Variants in RIMS2 observed in about 807,000 individuals in gnomAD.
RIMS2 encodes regulating synaptic membrane exocytosis 2.
RIMS2 carries 59 observed loss-of-function variants against 174.4 expected under a neutral mutation model. The ratio of observed to expected loss-of-function variants is 0.34; its 90% CI spans 0.27 to 0.42. RIMS2 has a LOEUF of 0.42. RIMS2 is among the 10% of genes least tolerant of loss of function. The probability of loss-of-function intolerance (pLI) is 1.00; values close to 1 mark genes in which losing one functional copy is unlikely to be tolerated. For missense variants in RIMS2, 1,620 were observed against 1,666.3 expected (o/e 0.97, Z 0.48); for synonymous variants, 606 against 572.5 (o/e 1.06, Z -0.84).
chr8:103,697,012 C>G (rs1018744065), intron 1 of RIMS2, 74 bp from the exon 4 acceptor site: 2 of 851,216 alleles, frequency 2.3e-6, no homozygotes, highest in Non-Finnish European at 3.9e-6. Flanking sequence ...AAAACTGTGT[C>G]TATAAATTGT....
intron 19 of RIMS2, among the ~76,000 whole-genome samples, chr8:104,168,745 T>G (rs763151038): frequency 1.3e-5 from 2 of 152,156 alleles, no homozygotes; most frequent in Non-Finnish European, 2.9e-5. Context: ...GGGAATGCTT[T>G]CAACTTTTCC....
chr8:103,967,562 G>A (rs2092238377), intron 15 of RIMS2, among the ~76,000 whole-genome samples: 1 of 151,512 alleles, frequency 6.6e-6, no homozygotes, highest in East Asian at 2.0e-4. Context: ...GTGCAATCTT[G>A]GCTCACTGCA....
intron 1 of RIMS2, among the ~76,000 whole-genome samples, chr8:103,642,374 T>C (rs1427193419): frequency 6.6e-6 from 1 of 152,160 alleles, no homozygotes; most frequent in Non-Finnish European, 1.5e-5. Flanking sequence ...ATAACATCAC[T>C]GTAATTTATT....
chr8:104,070,240 C>CT (rs1003269065), intron 19 of RIMS2, among the ~76,000 whole-genome samples: 7 of 152,300 alleles, frequency 4.6e-5, no homozygotes, highest in African/African-American at 1.4e-4. Flanking sequence ...CTACCAGTCT[C>CT]TTCCCCAGAT....
At chr8:104,038,155 T>A (rs1002501078) in intron 19 of RIMS2, among the ~76,000 whole-genome samples, 2 of 152,008 alleles carry the variant, frequency 1.3e-5, no homozygotes, top group African/African-American at 4.8e-5. Flanking sequence ...TATCTTAAAT[T>A]TCAAAATATT....
intron 3 of RIMS2, among the ~76,000 whole-genome samples, chr8:103,885,016 A>T (rs918969728): frequency 2.0e-5 from 3 of 151,918 alleles, no homozygotes; most frequent in Admixed American, 6.6e-5. Flanking sequence ...GGAAATTAGA[A>T]TAAATGCTAG....
At position 103,559,056 on chromosome 8, in the gene RIMS2, C is replaced by CTTT. The variant is rs397952535; in HGVS notation, c.176+58004_176+58006dup. On this transcript the variant is annotated intron_variant, in intron 1 of 23. Transcript: ENST00000504942. ...TGGTGGCCTTTCAGATATTTTTTAA[C>CTTT]TTTTTTTTTTTTGCTCTCTGATCAT... The CTTT allele has an allele frequency of 3.6e-4, 36 of 99,078 alleles. 4 individuals are homozygous for CTTT. Among genetic ancestry groups the CTTT allele is most frequent in the East Asian group, 7.2e-4 (2 of 2,790 alleles). 6.1% of individuals were successfully genotyped at this position (99,078 alleles called of 1,614,324 possible). A position where few individuals can be genotyped will look rare whatever the true frequency, so the allele number is the denominator to read the frequency against.
intron 1 of RIMS2, among the ~76,000 whole-genome samples, chr8:103,661,348 CATT>C (rs2096597925): frequency 6.6e-6 from 1 of 152,056 alleles, no homozygotes. Context: ...ATTCTGATGT[CATT>C]ATTTTTTTTC....
At chr8:104,222,284 A>T (rs760577156) in intron 19 of RIMS2, among the ~76,000 whole-genome samples, 30 of 152,138 alleles carry the variant, frequency 2.0e-4, no homozygotes, top group Non-Finnish European at 3.8e-4. Flanking sequence ...ATAAACATCT[A>T]CCATGGTACC....
chr8:104,099,635 T>C (rs2097833080), intron 19 of RIMS2, among the ~76,000 whole-genome samples: 3 of 152,144 alleles, frequency 2.0e-5, no homozygotes, highest in African/African-American at 7.2e-5. Flanking sequence ...GTTCAGCTTG[T>C]CAATTCAGGG....
At chr8:104,233,298 T>A (rs2099241368) in intron 19 of RIMS2, among the ~76,000 whole-genome samples, 1 of 152,134 alleles carries the variant, frequency 6.6e-6, no homozygotes, top group South Asian at 2.1e-4. Flanking sequence ...TCCTCTCATA[T>A]CTCGATGTGG....
chr8:103,921,183 CT>C (rs942567733), intron 9 of RIMS2, among the ~76,000 whole-genome samples: 1 of 152,154 alleles, frequency 6.6e-6, no homozygotes, highest in Admixed American at 6.5e-5. Context: ...CATTTTATTC[CT>C]TTTTTTCATG....
At chr8:103,598,136 A>G (rs555285187) in intron 1 of RIMS2, among the ~76,000 whole-genome samples, 1 of 152,300 alleles carries the variant, frequency 6.6e-6, no homozygotes, top group East Asian at 1.9e-4. Context: ...AAACATTCAT[A>G]GAAAGCCTTG....
intron 3 of RIMS2, among the ~76,000 whole-genome samples, chr8:103,840,481 A>C (rs1432360141): frequency 6.6e-6 from 1 of 150,962 alleles, no homozygotes; most frequent in South Asian, 2.2e-4. Flanking sequence ...GAGTTTGATT[A>C]TATCACAGTT....
chr8:103,910,570 G>T (rs758699497), intron 5 of RIMS2, 41 bp downstream of exon 8: 9 of 1,245,074 alleles, frequency 7.2e-6, no homozygotes, highest in South Asian at 1.2e-5. Flanking sequence ...CTGCTCATTT[G>T]GTCTTCGTTT....
chr8:104,190,669 G>C (rs1441534330), intron 19 of RIMS2, among the ~76,000 whole-genome samples: 1 of 152,084 alleles, frequency 6.6e-6, no homozygotes, highest in Non-Finnish European at 1.5e-5. Context: ...TGACTGCATT[G>C]ATGTAGAGTG....
intron 19 of RIMS2, among the ~76,000 whole-genome samples, chr8:104,148,399 A>G (rs2098661106): frequency 6.6e-6 from 1 of 152,198 alleles, no homozygotes; most frequent in Admixed American, 6.5e-5. Flanking sequence ...AAATAAAATC[A>G]TAAATCTGAT....
At chr8:103,952,117 G>T (rs1400109317) in intron 14 of RIMS2, among the ~76,000 whole-genome samples, 1 of 152,188 alleles carries the variant, frequency 6.6e-6, no homozygotes, top group Non-Finnish European at 1.5e-5. Context: ...GGGACTTACG[G>T]ATAAAACCTT....
rs181750812 is a variant in RIMS2, at chr8:103,672,494, C to T, written c.177-24592C>T. On this transcript the variant is annotated intron_variant, in intron 1 of 23. Transcript: ENST00000504942. ...AGGGAGGCCCCAGGAAGCTTACAGTCACAGTGGAAGGTGAAGGGGGAACAG... is the reference window on the plus strand; with the variant it reads ...AGGGAGGCCCCAGGAAGCTTACAGTTACAGTGGAAGGTGAAGGGGGAACAG... Among the ~76,000 whole-genome samples, 235 of 151,870 alleles carry T rather than the reference C, an allele frequency of 1.5e-3. 2 individuals carry two copies. The highest frequency in any genetic ancestry group is 5.2e-3 in the African/African-American group (214 of 41,416).
Sources: allele counts gnomAD v4.1 joint callset (sites outside exome capture counted in the v4.1 genomes callset), GRCh38; gene constraint gnomAD v4.1.1; transcripts MANE v1.5; gene names NCBI Gene and HGNC (gene_info 2026-07-23, HGNC 2026-07-21).